The following TTC7B variants were observed in gnomAD, a reference collection of about 807,000 sequenced individuals.
The protein encoded by TTC7B is tetratricopeptide repeat protein 7B.
A neutral mutation model predicts 106.8 loss-of-function variants in TTC7B; 28 were observed. The observed-to-expected ratio is 0.26, with a 90% CI of 0.19 to 0.36. TTC7B has a LOEUF of 0.36. TTC7B is among the 10% of genes least tolerant of loss of function. TTC7B has a pLI of 1.00. For missense variants in TTC7B, 862 were observed against 1,076.4 expected (o/e 0.80, Z 2.79); for synonymous variants, 405 against 430.6 (o/e 0.94, Z 0.74).
In TTC7B at chr14:90,780,854, T is replaced by C. The variant is rs1324505220; in HGVS notation, c.329A>G (p.Glu110Gly). Residue 110 changes from glutamate to glycine, a missense_variant, in exon 3 of 20, where the codon GAA becomes GGA. By Grantham distance (98) the Glu-to-Gly change is moderately conservative. Transcript: ENST00000328459. ...GTTCAGAGCTTCTTTATAATCACCT[T>C]CCACATAATTCAACTTGGCCATGAT... ...NLIMAKLNYV[E>G]GDYKEALNIY... 1.9e-6 allele frequency: 3 copies of C among 1,614,204 alleles called. No individual in the cohort carries two copies. The Admixed American group carries it at 5.0e-5, about 27-fold the overall frequency.
At chr14:90,598,426 G>T (rs1390593932) in intron 17 of TTC7B, among the ~76,000 whole-genome samples, 1 of 152,192 alleles carries the variant, frequency 6.6e-6, no homozygotes, top group Non-Finnish European at 1.5e-5. Context: ...CTGAGCCAGG[G>T]TTTCCTTCTA....
intron 12 of TTC7B, among the ~76,000 whole-genome samples, chr14:90,654,703 G>T (rs1374857792): frequency 6.6e-6 from 1 of 152,172 alleles, no homozygotes; most frequent in Non-Finnish European, 1.5e-5. Flanking sequence ...AAGGCTAGGT[G>T]GATGAATCAT....
chr14:90,541,994 C>T (rs1889614407), intron 19 of TTC7B, among the ~76,000 whole-genome samples: 1 of 152,228 alleles, frequency 6.6e-6, no homozygotes, highest in African/African-American at 2.4e-5. Context: ...GGCTGGAGTG[C>T]AGTGGCGCGA....
At chr14:90,625,778 G>T (rs149580270) in intron 15 of TTC7B, among the ~76,000 whole-genome samples, 114 of 152,302 alleles carry the variant, frequency 7.5e-4, no homozygotes, top group African/African-American at 2.6e-3. Flanking sequence ...ATAATGTCAC[G>T]TGAATAATCG....
intron 17 of TTC7B, among the ~76,000 whole-genome samples, chr14:90,604,760 A>G (rs1892570247): frequency 6.6e-6 from 1 of 152,184 alleles, no homozygotes. Context: ...GGTCCTATTT[A>G]AGGGTTTTAC....
chr14:90,815,521 C>T (rs934768800), intron 1 of TTC7B, among the ~76,000 whole-genome samples: 1 of 152,026 alleles, frequency 6.6e-6, no homozygotes, highest in African/African-American at 2.4e-5. Flanking sequence ...CCCTCCAGGT[C>T]CCCCTGACTC....
chr14:90,659,923 C>T (rs191868631), intron 9 of TTC7B, among the ~76,000 whole-genome samples: 44 of 152,182 alleles, frequency 2.9e-4, no homozygotes, highest in Non-Finnish European at 4.6e-4. Context: ...GCCAGGTCCC[C>T]GGAACAAATG....
intron 3 of TTC7B, among the ~76,000 whole-genome samples, chr14:90,773,979 A>G (rs991042782): frequency 5.9e-5 from 9 of 152,158 alleles, no homozygotes; most frequent in Admixed American, 1.3e-4. Flanking sequence ...CAAAGAAAAA[A>G]ATAAAGAGCC....
intron 8 of TTC7B, among the ~76,000 whole-genome samples, chr14:90,680,080 C>A (rs777566832): frequency 1.3e-5 from 2 of 152,206 alleles, no homozygotes; most frequent in Non-Finnish European, 2.9e-5. Flanking sequence ...CACTCCAGGG[C>A]AAATTGAGAG....
chr14:90,568,023 T>C (rs1424036655), intron 19 of TTC7B, among the ~76,000 whole-genome samples: 2 of 152,164 alleles, frequency 1.3e-5, no homozygotes, highest in Non-Finnish European at 2.9e-5. Flanking sequence ...GGGGAGTCTC[T>C]GGGACCAGCA....
At chr14:90,815,298 G>A (rs2140069482) in intron 1 of TTC7B, among the ~76,000 whole-genome samples, 1 of 152,260 alleles carries the variant, frequency 6.6e-6, no homozygotes, top group South Asian at 2.1e-4. Context: ...GCCACGTGGA[G>A]CTGTGCACTG....
At chr14:90,727,599 C>T (rs530967428) in intron 5 of TTC7B, among the ~76,000 whole-genome samples, 72 of 152,298 alleles carry the variant, frequency 4.7e-4, no homozygotes, top group Middle Eastern at 6.8e-3. Flanking sequence ...CCACCAGTTC[C>T]GCAGTGACTT....
At position 90,635,992 on chromosome 14, in the gene TTC7B, G is replaced by A. The variant is rs573995082; in HGVS notation, c.1751+8056C>T. Among the ~76,000 whole-genome samples the A allele has an allele frequency of 1.2e-4, 18 of 148,844 alleles. No homozygotes were observed. In the South Asian group the frequency reaches 2.2e-3, roughly 18 times the overall value. ...AAAAATTAGCTGGGTGTGGTGGTGC[G>A]CACCTGTAATCCCAAGTACTCAGGA... On this transcript the variant is annotated intron_variant, in intron 15 of 19. Transcript: ENST00000328459.
intron 13 of TTC7B, among the ~76,000 whole-genome samples, chr14:90,650,342 G>A (rs1421830420): frequency 6.6e-6 from 1 of 152,162 alleles, no homozygotes; most frequent in Non-Finnish European, 1.5e-5. Context: ...TTTAAAAAGT[G>A]CAAACCCTGG....
chr14:90,549,642 G>A (rs1889991824), intron 19 of TTC7B, among the ~76,000 whole-genome samples: 1 of 152,138 alleles, frequency 6.6e-6, no homozygotes, highest in South Asian at 2.1e-4. Context: ...TTGCTCTCTG[G>A]GACAGTGGAG....
intron 5 of TTC7B, among the ~76,000 whole-genome samples, chr14:90,726,384 C>T (rs563805686): frequency 6.6e-5 from 10 of 152,240 alleles, no homozygotes; most frequent in South Asian, 2.1e-4. Flanking sequence ...CTTAAGCCAG[C>T]GCCACTGTAA....
At chr14:90,661,416 TGGCG>T (rs1190251835) in intron 9 of TTC7B, among the ~76,000 whole-genome samples, 1 of 151,890 alleles carries the variant, frequency 6.6e-6, no homozygotes, top group African/African-American at 2.4e-5. Context: ...CAAGACAGGG[TGGCG>T]GGAGAGACGT....
At chr14:90,756,897 A>G (rs1158870022) in intron 3 of TTC7B, among the ~76,000 whole-genome samples, 1 of 152,146 alleles carries the variant, frequency 6.6e-6, no homozygotes, top group Non-Finnish European at 1.5e-5. Flanking sequence ...AAATATGAAT[A>G]TGGGTCAGTG....
intron 17 of TTC7B, among the ~76,000 whole-genome samples, chr14:90,595,061 C>T (rs2139823826): frequency 6.6e-6 from 1 of 152,322 alleles, no homozygotes; most frequent in East Asian, 1.9e-4. Flanking sequence ...TGGCCGGGCG[C>T]GGTGGCTCAC....
Sources: gnomAD v4.1 joint callset for allele counts (sites outside exome capture counted in the v4.1 genomes callset) on GRCh38, gnomAD v4.1.1 for gene constraint, MANE v1.5 for transcripts, NCBI Gene and HGNC (gene_info 2026-07-23, HGNC 2026-07-21) for gene names.